The following ATM variants were observed in gnomAD, a reference collection of about 807,000 sequenced individuals.
ATM encodes serine-protein kinase ATM.
ATM carries 308 observed loss-of-function variants against 387.0 expected under a neutral mutation model. The ratio of observed to expected loss-of-function variants is 0.80; its 90% CI spans 0.73 to 0.87. The LOEUF (loss-of-function observed/expected upper bound fraction) is 0.87. ATM is among the 40% of genes least tolerant of loss of function. The probability of loss-of-function intolerance (pLI) is 0.00; values close to 1 mark genes in which losing one functional copy is unlikely to be tolerated. For synonymous variants in ATM, 1,156 were observed against 1,187.3 expected, an observed-to-expected ratio of 0.97 and a Z score of 0.54; for missense variants, 3,312 against 3,560.9, an observed-to-expected ratio of 0.93 and a Z score of 1.78.
chr11:108,284,377 C>T lies in ATM; in HGVS notation c.3897C>T (p.Ala1299=), dbSNP rs760491475. 6.2e-7 allele frequency: 1 copy of T among 1,613,946 alleles called. No individual in the cohort carries two copies. Residue 1299 remains alanine, a synonymous_variant, in exon 26 of 63, where the codon GCC becomes GCT. Transcript: ENST00000675843. ...TTGTAAATATTCTTCCTTATTTTGC[C>T]TATGAGGGTACCAGAGACAGTGGGA... The part of the protein sequence containing the change: ...KILVNILPYF[A]YEGTRDSGMA...
chr11:108,237,197 G>A (rs12287161), intron 5 of ATM, among the ~76,000 whole-genome samples: 8,749 of 152,100 alleles, frequency 0.058, 811 homozygotes, highest in African/African-American at 0.2. Flanking sequence ...TAGCCTTTAC[G>A]TTACTCTGAA....
At chr11:108,305,467 C>G (rs970264654) in intron 37 of ATM, among the ~76,000 whole-genome samples, 10 of 152,048 alleles carry the variant, frequency 6.6e-5, no homozygotes, top group African/African-American at 2.4e-4. Flanking sequence ...ATAATTGCAG[C>G]TACTTGGGAG....
chr11:108,279,987 G>A (rs984906040), intron 23 of ATM, among the ~76,000 whole-genome samples: 2 of 152,172 alleles, frequency 1.3e-5, no homozygotes, highest in Non-Finnish European at 2.9e-5. Flanking sequence ...TCAAATCATT[G>A]TGGTGTTTAC....
At chr11:108,293,179 G>A (rs1035174565) in intron 30 of ATM, 134 bp from the exon 31 acceptor site, 1 of 633,178 alleles carries the variant, frequency 1.6e-6, no homozygotes, top group Non-Finnish European at 2.6e-6. Flanking sequence ...CTAAAAGCTG[G>A]GTATCTTAGA....
intron 37 of ATM, among the ~76,000 whole-genome samples, chr11:108,305,107 C>G (rs2083620558): frequency 6.6e-6 from 1 of 152,086 alleles, no homozygotes; most frequent in Non-Finnish European, 1.5e-5. Flanking sequence ...GATAATGGGT[C>G]AACTAATTGA....
chr11:108,310,368 A>T, intron 39 of ATM, 53 bp downstream of exon 39: 1 of 1,513,928 alleles, frequency 6.6e-7, no homozygotes, highest in South Asian at 1.1e-5. Context: ...CATTGTCTCA[A>T]TAAGGGTATA....
chr11:108,308,673 T>C, intron 38 of ATM: 1 of 276,298 alleles, frequency 3.6e-6, no homozygotes, highest in Non-Finnish European at 7.0e-6. Context: ...TGTATGGTGG[T>C]GGTAGGGGTG....
At chr11:108,360,216 G>A (rs1295127749) in intron 61 of ATM, among the ~76,000 whole-genome samples, 3 of 150,244 alleles carry the variant, frequency 2.0e-5, no homozygotes, top group East Asian at 2.0e-4. Context: ...TAAATTCCTC[G>A]ACACATACAC....
chr11:108,289,776 A>AC lies in ATM; in HGVS notation c.4412dup (p.Leu1472PhefsTer19). 1 of 1,613,180 alleles carries AC rather than the reference A, an allele frequency of 6.2e-7. No individual in the cohort carries two copies. The highest frequency in any genetic ancestry group is 8.5e-7 in the Non-Finnish European group (1 of 1,179,862). The stretch of plus-strand genomic sequence containing the variant: ...CTTTGTTCTTCGAGACGTTATTTAT[A>AC]CTTTGATTCACTATATCAACCAAAG... On this transcript the variant is annotated frameshift_variant, in exon 29 of 63. Transcript: ENST00000675843. LOFTEE classifies it high-confidence loss of function.
chr11:108,288,269 T>G (rs937046470), intron 27 of ATM, among the ~76,000 whole-genome samples: 5 of 152,060 alleles, frequency 3.3e-5, no homozygotes, highest in African/African-American at 1.2e-4. Context: ...GAGACGGGGT[T>G]TCACTGTGTT....
chr11:108,318,561 A>G (rs1318302198), intron 43 of ATM, among the ~76,000 whole-genome samples: 1 of 150,952 alleles, frequency 6.6e-6, no homozygotes. Context: ...GTGCTGGAGC[A>G]TGCCTGTAAT....
At chr11:108,349,607 G>T (rs540719349) in intron 59 of ATM, among the ~76,000 whole-genome samples, 2 of 152,110 alleles carry the variant, frequency 1.3e-5, no homozygotes, top group South Asian at 2.1e-4. Flanking sequence ...AGGTTGCAGT[G>T]AGCTAAGATC....
chr11:108,248,836 C>G (rs942881969), intron 8 of ATM, 97 bp from the exon 9 acceptor site: 16 of 1,032,834 alleles, frequency 1.5e-5, no homozygotes, highest in Non-Finnish European at 2.2e-5. Context: ...TGTGGTGATA[C>G]GAGATCGTGC....
At chr11:108,228,412 C>A (rs2135023215) in intron 3 of ATM, among the ~76,000 whole-genome samples, 1 of 152,312 alleles carries the variant, frequency 6.6e-6, no homozygotes, top group East Asian at 1.9e-4. Context: ...ATTGAGACAT[C>A]ATTTTCAACC....
At chr11:108,293,919 A>ATATATATATATATATATATATG (rs1397910875) in intron 31 of ATM, among the ~76,000 whole-genome samples, 9 of 117,044 alleles carry the variant, frequency 7.7e-5, no homozygotes, top group African/African-American at 2.8e-4. Context: ...ATATATATAT[A>ATATATATATATATATATATATG]TGTGTGTGTA....
chr11:108,335,343 A>ACAG, intron 55 of ATM: 1 of 1,350,090 alleles, frequency 7.4e-7, no homozygotes, highest in Non-Finnish European at 9.9e-7. Flanking sequence ...GAATACCATT[A>ACAG]ACATGTACAG....
Position 108,267,422 on chromosome 11 carries a change from A to G in ATM, c.2638+80A>G, listed in dbSNP as rs1460419878. ...AGTATAAGAGGCCTCATTGATATCA[A>G]TTTTGTGCTTATTTCATTTTCTCTT... is the stretch of plus-strand genomic sequence containing the variant. On this transcript the variant is annotated intron_variant, in intron 17 of 62. Transcript: ENST00000675843. 10 of 1,306,492 alleles carry G rather than the reference A, an allele frequency of 7.7e-6. No homozygotes were observed. The East Asian group carries it at 9.3e-5, about 12-fold the overall frequency. 80.9% of individuals were successfully genotyped at this position (1,306,492 alleles called of 1,614,324 possible). A position where few individuals can be genotyped will look rare whatever the true frequency, so the allele number is the denominator to read the frequency against.
At chr11:108,311,124 A>G (rs1321131303) in intron 39 of ATM, among the ~76,000 whole-genome samples, 10 of 150,496 alleles carry the variant, frequency 6.6e-5, no homozygotes, top group Non-Finnish European at 1.2e-4. Flanking sequence ...ACACCACTGC[A>G]TCCAACTCAT....
At chr11:108,229,427 T>A in intron 4 of ATM, 104 bp downstream of exon 4, 3 of 1,118,364 alleles carry the variant, frequency 2.7e-6, no homozygotes, top group Non-Finnish European at 3.9e-6. Context: ...TTGCATAAGT[T>A]TGTTCTAAAT....
Sources: gnomAD v4.1 joint callset for allele counts (sites outside exome capture counted in the v4.1 genomes callset) on GRCh38, gnomAD v4.1.1 for gene constraint, MANE v1.5 for transcripts, NCBI Gene and HGNC (gene_info 2026-07-23, HGNC 2026-07-21) for gene names.